Variants in LAMA3 observed in about 807,000 individuals in gnomAD.
The protein encoded by LAMA3 is laminin subunit alpha-3.
In LAMA3, 281 loss-of-function variants were observed where a neutral mutation model predicts 402.0. That is an observed-to-expected ratio of 0.70 (90% CI 0.63 to 0.77). LAMA3 has a LOEUF of 0.77. LAMA3 is among the 30% of genes least tolerant of loss of function. LAMA3 has a pLI of 0.00. For synonymous variants in LAMA3, 1,431 were observed against 1,558.4 expected (o/e 0.92, Z 1.93); for missense variants, 3,840 against 4,215.5 (o/e 0.91, Z 2.47).
At chr18:23,758,318 TCAGGTTCG>T in intron 6 of LAMA3, 70 bp from the exon 7 acceptor site, 2 of 987,948 alleles carry the variant, frequency 2.0e-6, no homozygotes, top group Non-Finnish European at 3.2e-6. Flanking sequence ...GACTCGTGTG[TCAGGTTCG>T]CACTATAGGA....
Position 23,833,836 on chromosome 18 carries a change from G to A in LAMA3, c.2832G>A (p.Leu944=). Residue 944 remains leucine, a synonymous_variant, in exon 24 of 75, where the codon TTG becomes TTA. Coordinates refer to ENST00000313654, the MANE Select transcript of LAMA3 (RefSeq NM_198129.4). ...MVDLSGREVE[L]HLRLRIPQVG... is the part of the protein sequence containing the mutation. Reference sequence around the variant, plus strand: ...CTTGGCCTCTGTGACAGGTGGAATTGCATCTGCGGCTGCGCATCCCACAGG... The same window carrying A: ...CTTGGCCTCTGTGACAGGTGGAATTACATCTGCGGCTGCGCATCCCACAGG... 1 of 1,613,002 alleles carries A rather than the reference G, an allele frequency of 6.2e-7. No homozygotes were observed. Among genetic ancestry groups the A allele is most frequent in the Non-Finnish European group, 8.5e-7 (1 of 1,180,008 alleles).
chr18:23,950,458 T>C (rs1037539897), intron 72 of LAMA3, among the ~76,000 whole-genome samples: 2 of 152,218 alleles, frequency 1.3e-5, no homozygotes, highest in Non-Finnish European at 2.9e-5. Flanking sequence ...AAAATGTAGA[T>C]AATAACTCTT....
At chr18:23,907,377 G>C (rs2081284372) in intron 52 of LAMA3, among the ~76,000 whole-genome samples, 173 bp from the exon 53 acceptor site, 1 of 152,120 alleles carries the variant, frequency 6.6e-6, no homozygotes, top group Non-Finnish European at 1.5e-5. Context: ...TCTGTAACTG[G>C]AGGATCCCAG....
intron 67 of LAMA3, among the ~76,000 whole-genome samples, chr18:23,936,114 T>C (rs1026314788): frequency 1.2e-4 from 18 of 151,998 alleles, no homozygotes; most frequent in Admixed American, 4.6e-4. Flanking sequence ...ATTGAGTGTC[T>C]AAGAGGTTAA....
chr18:23,884,272 G>A (rs1324714217), intron 40 of LAMA3, among the ~76,000 whole-genome samples: 1 of 152,176 alleles, frequency 6.6e-6, no homozygotes, highest in East Asian at 1.9e-4. Flanking sequence ...GCCGAGGCAG[G>A]CGAGTGGTCT....
intron 37 of LAMA3, 46 bp downstream of exon 37, chr18:23,867,963 TA>T: frequency 7.2e-7 from 1 of 1,391,262 alleles, no homozygotes; most frequent in South Asian, 1.2e-5. Flanking sequence ...TTTTGTGACT[TA>T]ATTATTTCAG....
chr18:23,906,825 A>G (rs1486432997), intron 52 of LAMA3, among the ~76,000 whole-genome samples: 1 of 152,242 alleles, frequency 6.6e-6, no homozygotes, highest in Non-Finnish European at 1.5e-5. Context: ...AAACAGGGTT[A>G]GGATGCTAAC....
intron 17 of LAMA3, among the ~76,000 whole-genome samples, chr18:23,815,955 C>T (rs1568214155): frequency 1.3e-5 from 2 of 152,066 alleles, no homozygotes; most frequent in Non-Finnish European, 2.9e-5. Context: ...GACAGGTGCC[C>T]CGCAAGGCTA....
At chr18:23,810,297 C>T (rs977662220) in intron 12 of LAMA3, 69 bp from the exon 13 acceptor site, 224 of 1,573,942 alleles carry the variant, frequency 1.4e-4, no homozygotes, top group African/African-American at 1.3e-3. Context: ...TGCTCTGCTC[C>T]GGGACGTGGT....
chr18:23,854,708 G>C (rs1328440745), intron 32 of LAMA3, among the ~76,000 whole-genome samples: 1 of 151,590 alleles, frequency 6.6e-6, no homozygotes, highest in African/African-American at 2.4e-5. Context: ...TCCAGGGCCG[G>C]ATGTGGTGGC....
Position 23,901,056 on chromosome 18 carries a change from T to G in LAMA3, c.6005-71T>G, listed in dbSNP as rs2081052430. The stretch of plus-strand genomic sequence containing the variant: ...AAATGAGTAGAAACTCGATTCTCCC[T>G]TTGTAGTTTTTATAACCCAGCTTCA... On this transcript the variant is annotated intron_variant, in intron 47 of 74. Coordinates refer to ENST00000313654, the MANE Select transcript of LAMA3 (RefSeq NM_198129.4). The G allele has an allele frequency of 3.7e-6, 5 of 1,340,308 alleles. No individual in the cohort carries two copies. The South Asian group carries it at 6.0e-5, about 16-fold the overall frequency. The allele number at this position is 1,340,308 out of a possible 1,614,324, so 83.0% of individuals were successfully genotyped here.
At chr18:23,894,229 A>G in intron 42 of LAMA3, 69 bp from the exon 43 acceptor site, 1 of 1,290,738 alleles carries the variant, frequency 7.7e-7, no homozygotes, top group Non-Finnish European at 1.1e-6. Context: ...TTTTCTGAAA[A>G]CCAAGTTAAA....
chr18:23,741,396 T>C (rs998125462), intron 2 of LAMA3, among the ~76,000 whole-genome samples: 58 of 152,246 alleles, frequency 3.8e-4, no homozygotes, highest in African/African-American at 1.4e-3. Context: ...CTGGCCTTGG[T>C]TGTTCTGTGA....
chr18:23,714,565 C>A (rs2061060946), intron 2 of LAMA3, among the ~76,000 whole-genome samples: 1 of 152,034 alleles, frequency 6.6e-6, no homozygotes, highest in Non-Finnish European at 1.5e-5. Context: ...TGGCAGCATG[C>A]AGATAGATGC....
chr18:23,928,525 C>T, intron 63 of LAMA3, 100 bp from the exon 64 acceptor site: 1 of 1,157,994 alleles, frequency 8.6e-7, no homozygotes, highest in Non-Finnish European at 1.3e-6. Context: ...TTACATAAAT[C>T]ACATTAATCA....
rs1405706035 is a variant in LAMA3, at chr18:23,822,355, T to C, written c.2408T>C (p.Ile803Thr). 1 of 1,613,938 alleles carries C rather than the reference T, an allele frequency of 6.2e-7. No homozygotes were observed. The highest frequency in any genetic ancestry group is 8.5e-7 in the Non-Finnish European group (1 of 1,179,790). Residue 803 changes from isoleucine to threonine, a missense_variant, in exon 20 of 75, where the codon ATA becomes ACA. Physicochemically the swap from Ile to Thr is moderately conservative, Grantham distance 89 (BLOSUM62 -1). Transcript: ENST00000313654. ...GGAACTGAAGCAGTATCTGGCCATA[T>C]AACTATTTATCCATCCTGGGGTAAG... ...NPGTEAVSGHITIYPSWGAAQ... is the reference protein window; with the variant it reads ...NPGTEAVSGHTTIYPSWGAAQ...
intron 1 of LAMA3, among the ~76,000 whole-genome samples, chr18:23,690,280 G>A (rs1163324718): frequency 6.6e-6 from 1 of 152,164 alleles, no homozygotes; most frequent in African/African-American, 2.4e-5. Context: ...CAGGCGCCTC[G>A]GCCCTTCCCG....
intron 32 of LAMA3, among the ~76,000 whole-genome samples, chr18:23,852,281 T>C (rs145328172): frequency 2.0e-5 from 3 of 152,386 alleles, no homozygotes; most frequent in Admixed American, 6.5e-5. Context: ...TGTCTTTCCC[T>C]TAACTTTATT....
intron 68 of LAMA3, among the ~76,000 whole-genome samples, chr18:23,943,492 C>T (rs574540549): frequency 6.6e-6 from 1 of 152,288 alleles, no homozygotes; most frequent in East Asian, 1.9e-4. Flanking sequence ...ATAAAAGATT[C>T]AGACATGTTT....
Sources: allele counts gnomAD v4.1 joint callset (sites outside exome capture counted in the v4.1 genomes callset), GRCh38; gene constraint gnomAD v4.1.1; transcripts MANE v1.5; gene names NCBI Gene and HGNC (gene_info 2026-07-23, HGNC 2026-07-21).